The following DHPS variants were observed in gnomAD, a reference collection of about 807,000 sequenced individuals.
DHPS encodes the protein migration-inducing gene 13.
In DHPS, 24 loss-of-function variants were observed where a neutral mutation model predicts 38.7. The ratio of observed to expected loss-of-function variants is 0.62; its 90% CI spans 0.45 to 0.87. The LOEUF is 0.87. DHPS is among the 40% of genes least tolerant of loss of function. DHPS has a pLI of 0.00. For synonymous variants in DHPS, 250 were observed against 204.4 expected (o/e 1.22, Z -1.90); for missense variants, 510 against 497.6 (o/e 1.02, Z -0.24).
intron 5 of DHPS, among the ~76,000 whole-genome samples, chr19:12,678,541 G>A (rs1050501628): frequency 8.6e-5 from 13 of 151,988 alleles, no homozygotes; most frequent in Admixed American, 2.6e-4. Flanking sequence ...AGGCCAAGGC[G>A]GGTGGATCAC....
chr19:12,677,824 T>C (rs2024669359), intron 5 of DHPS, among the ~76,000 whole-genome samples: 1 of 151,884 alleles, frequency 6.6e-6, no homozygotes. Context: ...GTTTTTTTAG[T>C]AGAGACAGGG....
chr19:12,680,436 C>T lies in DHPS; in HGVS notation c.208-111G>A, dbSNP rs1164487744. ...CCCAGGCCCTGCACATTCAGGGATA[C>T]AGGACCAGTTCTACAGGGGACCAAG... On this transcript the variant is annotated intron_variant, in intron 1 of 8. Coordinates refer to ENST00000210060, the MANE Select transcript of DHPS (RefSeq NM_001930.4). The T allele has an allele frequency of 5.2e-6, 6 of 1,157,316 alleles. No individual in the cohort carries two copies. The South Asian group carries it at 5.5e-5, about 11-fold the overall frequency. The allele number at this position is 1,157,316 out of a possible 1,614,324, so 71.7% of individuals were successfully genotyped here.
intron 1 of DHPS, 79 bp from the exon 2 acceptor site, chr19:12,680,404 A>G: frequency 6.6e-7 from 1 of 1,505,272 alleles, no homozygotes. Context: ...CCAGAAACAG[A>G]TTTCACCCCA....
At chr19:12,676,190 GAC>G in intron 7 of DHPS, 48 bp from the exon 8 acceptor site, 2 of 1,564,568 alleles carry the variant, frequency 1.3e-6, no homozygotes, top group Non-Finnish European at 1.7e-6. Context: ...AGTCACAGGA[GAC>G]AGACACAGAG....
chr19:12,678,767 T>A, intron 5 of DHPS, among the ~76,000 whole-genome samples: 1 of 54,620 alleles, frequency 1.8e-5, no homozygotes. Flanking sequence ...AGACTCTGTC[T>A]CAAAAAAAAA....
chr19:12,675,428 C>T, downstream of DHPS: 2 of 1,513,236 alleles, frequency 1.3e-6, no homozygotes, highest in Admixed American at 2.0e-5. Context: ...TGACTGAGGG[C>T]TTCAGGCAGG....
Position 12,681,853 on chromosome 19 carries a change from C to G in DHPS, c.-87G>C, listed in dbSNP as rs1448388846. 3 of 1,197,634 alleles carry G rather than the reference C, an allele frequency of 2.5e-6. No individual in the cohort carries two copies. The East Asian group carries it at 7.4e-5, about 29-fold the overall frequency. 74.2% of individuals were successfully genotyped at this position (1,197,634 alleles called of 1,614,324 possible). A position where few individuals can be genotyped will look rare whatever the true frequency, so the allele number is the denominator to read the frequency against. On this transcript the variant is annotated 5_prime_UTR_variant, in exon 1 of 9. Transcript: ENST00000210060. Reference sequence around the variant, plus strand: ...ACGCGTTAAACCCCGACGCGCGCGTCTCCGCAAGAGCACAGGAAGTAGGGA... The same window carrying G: ...ACGCGTTAAACCCCGACGCGCGCGTGTCCGCAAGAGCACAGGAAGTAGGGA...
At chr19:12,680,093 T>G in intron 2 of DHPS, 68 bp downstream of exon 2, 1 of 1,596,966 alleles carries the variant, frequency 6.3e-7, no homozygotes, top group Non-Finnish European at 8.6e-7. Flanking sequence ...CCCATCTCAC[T>G]TAAACGATCA....
chr19:12,681,541 A>T lies in DHPS; in HGVS notation c.207+19T>A. The T allele has an allele frequency of 6.2e-7, 1 of 1,613,980 alleles. No individual in the cohort carries two copies. The highest frequency in any genetic ancestry group is 8.5e-7 in the Non-Finnish European group (1 of 1,179,874). On this transcript the variant is annotated intron_variant, in intron 1 of 8. Transcript: ENST00000210060. The stretch of plus-strand genomic sequence containing the variant: ...AGCCACGCCCCTCCGCGTCCCTAGA[A>T]ATTCCGCCCGGTCCTCACCATGGCA...
chr19:12,680,643 C>A (rs1170875308), intron 1 of DHPS, among the ~76,000 whole-genome samples: 1 of 151,424 alleles, frequency 6.6e-6, no homozygotes, highest in East Asian at 1.9e-4. Context: ...AAGCGATTCT[C>A]CTGCCTCAGC....
At chr19:12,680,350 T>C in intron 1 of DHPS, 25 bp from the exon 2 acceptor site, 1 of 1,613,298 alleles carries the variant, frequency 6.2e-7, no homozygotes, top group Non-Finnish European at 8.5e-7. Flanking sequence ...CAAGTCAAGT[T>C]AAGCACTGGC....
chr19:12,680,681 G>C (rs1018950973), intron 1 of DHPS, among the ~76,000 whole-genome samples: 35 of 150,632 alleles, frequency 2.3e-4, no homozygotes, highest in African/African-American at 7.6e-4. Context: ...CTACAGGCGC[G>C]CACCACCATG....
intron 1 of DHPS, 105 bp downstream of exon 1, chr19:12,681,455 T>G: frequency 6.0e-6 from 8 of 1,343,938 alleles, no homozygotes; most frequent in Non-Finnish European, 8.2e-6. Context: ...GCAACTCAAA[T>G]AAAAGACATA....
downstream of DHPS, among the ~76,000 whole-genome samples, chr19:12,673,712 G>A (rs570410108): frequency 3.0e-4 from 46 of 151,136 alleles, no homozygotes; most frequent in African/African-American, 6.3e-4. Context: ...CACCACACCC[G>A]GCCCTTTTTT....
Position 12,676,041 on chromosome 19 carries a change from G to C in DHPS, c.990C>G (p.Ile330Met), listed in dbSNP as rs2024573834. 1.9e-6 allele frequency: 3 copies of C among 1,613,972 alleles called. No individual in the cohort carries two copies. Among genetic ancestry groups the C allele is most frequent in the Non-Finnish European group, 8.5e-7 (1 of 1,179,978 alleles). Residue 330 changes from isoleucine (I) to methionine (M), a missense_variant, in exon 8 of 9, where the codon ATC (isoleucine) becomes ATG (methionine). Coordinates refer to ENST00000210060, the MANE Select transcript of DHPS (RefSeq NM_001930.4). ...CCTTGACGGGCTGTGCATCCACCCG[G>C]ATCTTGCCCCAGGAGACAGCCTCGT... ...RPDEAVSWGK[I>M]RVDAQPVKVY...
intron 5 of DHPS, among the ~76,000 whole-genome samples, chr19:12,678,382 G>A (rs528142923): frequency 2.6e-5 from 4 of 152,040 alleles, no homozygotes; most frequent in South Asian, 4.2e-4. Context: ...CAGGAGAATC[G>A]ACTGAGCCCA....
rs552052399 is a variant in DHPS, at chr19:12,681,437, A to T, written c.207+123T>A. 3.2e-5 allele frequency: 39 copies of T among 1,228,874 alleles called. No individual in the cohort carries two copies. The South Asian group carries it at 5.4e-4, about 17-fold the overall frequency. 76.1% of individuals were successfully genotyped at this position (1,228,874 alleles called of 1,614,324 possible). ...CCAGAATAGGTCCCGCCTTCCTCCA[A>T]CTATTGGGCAACTCAAATAAAAGAC... On this transcript the variant is annotated intron_variant, in intron 1 of 8. Coordinates refer to ENST00000210060, the MANE Select transcript of DHPS (RefSeq NM_001930.4).
chr19:12,680,074 C>T (rs774489370), intron 2 of DHPS, 87 bp downstream of exon 2: 1 of 1,575,196 alleles, frequency 6.3e-7, no homozygotes, highest in Admixed American at 1.7e-5. Flanking sequence ...TATAACAGAC[C>T]CCTATCTGCC....
rs751808363 is a variant in DHPS, at chr19:12,676,119, A to G, written c.912T>C (p.Val304=). 1.3e-5 allele frequency: 21 copies of G among 1,613,124 alleles called. No individual in the cohort carries two copies. Among genetic ancestry groups the G allele is most frequent in the Non-Finnish European group, 1.8e-5 (21 of 1,179,836 alleles). ...CAAACTCCTGGGCTGTGTTGATGTA[A>G]ACAGCGTAGTCGGCCCCGTTCCGCT... ...NLMRNGADYA[V]YINTAQEFDG... Residue 304 remains valine (V), a synonymous_variant, in exon 8 of 9, where the codon GTT becomes GTC. Coordinates refer to ENST00000210060, the MANE Select transcript of DHPS (RefSeq NM_001930.4).
Sources: allele counts gnomAD v4.1 joint callset (sites outside exome capture counted in the v4.1 genomes callset), GRCh38; gene constraint gnomAD v4.1.1; transcripts MANE v1.5; gene names NCBI Gene and HGNC (gene_info 2026-07-23, HGNC 2026-07-21).